The following CBR4 variants were observed in gnomAD, a reference collection of about 807,000 sequenced individuals.
CBR4 encodes carbonyl reductase 4.
CBR4 carries 22 observed loss-of-function variants against 21.0 expected under a neutral mutation model. The observed-to-expected ratio is 1.05, with a 90% CI of 0.75 to 1.50. CBR4 has a LOEUF of 1.50. Ranked by LOEUF, CBR4 falls within the 40% of genes most tolerant of loss-of-function variation. CBR4 has a pLI of 0.00. For synonymous variants in CBR4, 100 were observed against 104.4 expected, an observed-to-expected ratio of 0.96 and a Z score of 0.26; for missense variants, 302 against 286.3, an observed-to-expected ratio of 1.05 and a Z score of -0.40.
intron 2 of CBR4, among the ~76,000 whole-genome samples, chr4:168,947,698 A>G (rs62333037): frequency 0.015 from 2,242 of 152,274 alleles, 26 homozygotes; most frequent in Non-Finnish European, 0.024. Context: ...GTTGCTGTGA[A>G]TGCTATTAAT....
Position 168,989,725 on chromosome 4 carries a change from C to T in CBR4, c.*425G>A, listed in dbSNP as rs1021031259. On this transcript the variant is annotated 3_prime_UTR_variant, in exon 5 of 5. Coordinates refer to ENST00000306193, the MANE Select transcript of CBR4 (RefSeq NM_032783.5). ...TTGAGACAAAATATATAAATCAATA[C>T]TTGTTTATATGACTTGCAAAATGTC... The T allele has an allele frequency of 2.0e-6, 2 of 978,268 alleles. No homozygotes were observed. Among genetic ancestry groups the T allele is most frequent in the Middle Eastern group, 5.2e-4 (1 of 1,932 alleles). The allele number at this position is 978,268 out of a possible 1,614,324, so 60.6% of individuals were successfully genotyped here.
At chr4:168,920,241 A>G (rs1444973465) in intron 2 of CBR4, among the ~76,000 whole-genome samples, 1 of 152,194 alleles carries the variant, frequency 6.6e-6, no homozygotes, top group Non-Finnish European at 1.5e-5. Context: ...AGTGTCTCAG[A>G]AGCCAAGCTG....
At chr4:168,906,496 T>G (rs190352274) in intron 2 of CBR4, among the ~76,000 whole-genome samples, 13 of 152,318 alleles carry the variant, frequency 8.5e-5, no homozygotes, top group Admixed American at 5.2e-4. Context: ...CAAATTATTA[T>G]GAAGTCACTA....
At position 168,926,954 on chromosome 4, in the gene CBR4, TAATATC is replaced by T. The variant is rs1762650097; in HGVS notation, n.170-32195_170-32190del. The T allele has an allele frequency of 5.9e-5, 13 of 219,822 alleles. No individual in the cohort carries two copies. In the South Asian group the frequency reaches 2.2e-3, roughly 38 times the overall value. The allele number at this position is 219,822 out of a possible 1,614,324, so 13.6% of individuals were successfully genotyped here. On this transcript the variant is annotated intron_variant and non_coding_transcript_variant, in intron 2 of 3. Coordinates refer to the CBR4 transcript ENST00000509108. Reference sequence around the variant, plus strand: ...GGAAGGAACTACTTGCCTTAAATGTTAATATCAAAAGAGTTTTCTAACAAGGTTAAT... The same window carrying T: ...GGAAGGAACTACTTGCCTTAAATGTTAAAAGAGTTTTCTAACAAGGTTAAT...
intron 2 of CBR4, chr4:168,924,797 G>A: frequency 6.6e-6 from 5 of 763,346 alleles, no homozygotes; most frequent in Non-Finnish European, 1.1e-5. Context: ...AACTTTAATG[G>A]AGCTAGTAAT....
At chr4:169,000,737 A>G (rs1345179075) in intron 4 of CBR4, among the ~76,000 whole-genome samples, 2 of 152,154 alleles carry the variant, frequency 1.3e-5, no homozygotes, top group Non-Finnish European at 2.9e-5. Flanking sequence ...ACCTAATCAA[A>G]ATTTCTAGCA....
chr4:168,925,447 CT>C lies in CBR4; in HGVS notation n.170-30683del. ...GTTACTGTGTTCTGCAAATGACTGC[CT>C]TTTAACATTTCTTCCTATATTCTAT... On this transcript the variant is annotated intron_variant and non_coding_transcript_variant, in intron 2 of 3. Coordinates refer to the CBR4 transcript ENST00000509108. 3 of 652,424 alleles carry C rather than the reference CT, an allele frequency of 4.6e-6. 1 individual carries two copies. In the Middle Eastern group the frequency reaches 8.1e-4, roughly 176 times the overall value. 40.4% of individuals were successfully genotyped at this position (652,424 alleles called of 1,614,324 possible).
intron 2 of CBR4, among the ~76,000 whole-genome samples, chr4:168,951,614 T>C (rs1218954127): frequency 1.3e-5 from 2 of 152,244 alleles, no homozygotes; most frequent in African/African-American, 4.8e-5. Flanking sequence ...GGCTTGGTAG[T>C]AGCAAATTCT....
intron 1 of CBR4, chr4:169,008,874 C>T (rs1579037288): frequency 1.2e-5 from 5 of 419,776 alleles, no homozygotes; most frequent in Non-Finnish European, 1.9e-5. Flanking sequence ...TTTAGAGAGC[C>T]CAATAGTCTC....
chr4:168,927,701 G>T, intron 2 of CBR4: 1 of 224,846 alleles, frequency 4.4e-6, no homozygotes, highest in Non-Finnish European at 8.9e-6. Flanking sequence ...GTTTGTAAAG[G>T]CATCTCGGTA....
Position 168,990,663 on chromosome 4 carries a change from C to T in CBR4, c.536-335G>A, listed in dbSNP as rs113078040. Among the ~76,000 whole-genome samples the T allele has an allele frequency of 9.7e-4, 147 of 152,074 alleles. 1 individual carries two copies. Among genetic ancestry groups the T allele is most frequent in the African/African-American group, 3.4e-3 (142 of 41,514 alleles). On this transcript the variant is annotated intron_variant, in intron 4 of 4. Transcript: ENST00000306193. ...TCTCAAACTTCTGGACTCAAGGGATCGGCCCACCTCAGCCTCCCAAAGTGC... is the reference window on the plus strand; with the variant it reads ...TCTCAAACTTCTGGACTCAAGGGATTGGCCCACCTCAGCCTCCCAAAGTGC...
chr4:168,896,433 T>C, intron 2 of CBR4: 1 of 691,960 alleles, frequency 1.4e-6, no homozygotes, highest in East Asian at 2.8e-5. Context: ...CACAGCACCG[T>C]TACTACCAAA....
rs184137107 is a variant in CBR4, at chr4:168,962,186, G to T, written n.169+39885C>A. On this transcript the variant is annotated intron_variant and non_coding_transcript_variant, in intron 2 of 3. Transcript: ENST00000509108. ...TCAAATAAAATCCTAAAATTAAAAG[G>T]TAAGTCAAAAACTAAGGATTTTTTT... Among the ~76,000 whole-genome samples, 197 of 152,146 alleles carry T rather than the reference G, an allele frequency of 1.3e-3. 1 individual carries two copies. Among genetic ancestry groups the T allele is most frequent in the African/African-American group, 4.5e-3 (188 of 41,494 alleles).
chr4:168,999,520 G>A (rs886923018), intron 4 of CBR4, among the ~76,000 whole-genome samples: 8 of 150,412 alleles, frequency 5.3e-5, no homozygotes, highest in African/African-American at 2.0e-4. Context: ...TCAGCTACAG[G>A]TTTTTATCTG....
At chr4:168,911,638 C>T (rs151174225) in intron 2 of CBR4, among the ~76,000 whole-genome samples, 135 of 152,294 alleles carry the variant, frequency 8.9e-4, no homozygotes, top group Middle Eastern at 6.8e-3. Flanking sequence ...ACAGCAAGTA[C>T]AGATCTGGAG....
intron 2 of CBR4, among the ~76,000 whole-genome samples, chr4:168,949,123 A>G (rs1163417716): frequency 6.6e-6 from 1 of 151,932 alleles, no homozygotes; most frequent in Non-Finnish European, 1.5e-5. Context: ...ATTTTTTTGC[A>G]GCTATTGTAG....
intron 4 of CBR4, among the ~76,000 whole-genome samples, chr4:168,994,323 G>C (rs1477044667): frequency 6.6e-6 from 1 of 152,198 alleles, no homozygotes; most frequent in South Asian, 2.1e-4. Context: ...TTTCCACCCT[G>C]GGTGGGCCAG....
chr4:168,989,788 AG>A lies in CBR4; in HGVS notation c.*361del. 1 of 995,668 alleles carries A rather than the reference AG, an allele frequency of 1.0e-6. No homozygotes were observed. The highest frequency in any genetic ancestry group is 4.7e-5 in the South Asian group (1 of 21,448). 61.7% of individuals were successfully genotyped at this position (995,668 alleles called of 1,614,324 possible). Reference sequence around the variant, plus strand: ...TTGCTACAGTCTATGAGGTAACCAAAGGTAAGTGATACACATCCTTTAGAAA... The same window carrying A: ...TTGCTACAGTCTATGAGGTAACCAAAGTAAGTGATACACATCCTTTAGAAA... On this transcript the variant is annotated 3_prime_UTR_variant, in exon 5 of 5. Transcript: ENST00000306193.
intron 2 of CBR4, among the ~76,000 whole-genome samples, chr4:168,961,116 G>C (rs1479236217): frequency 6.6e-6 from 1 of 152,196 alleles, no homozygotes; most frequent in African/African-American, 2.4e-5. Flanking sequence ...TGAAAGGCAA[G>C]AGATGATACT....
Sources: gnomAD v4.1 joint callset for allele counts (sites outside exome capture counted in the v4.1 genomes callset) on GRCh38, gnomAD v4.1.1 for gene constraint, MANE v1.5 for transcripts, NCBI Gene and HGNC (gene_info 2026-07-23, HGNC 2026-07-21) for gene names.